TEX10: variants seen among roughly 807,000 people sequenced by gnomAD.
TEX10 encodes the protein testis expressed 10.
In TEX10, 24 loss-of-function variants were observed where a neutral mutation model predicts 104.4. That is an observed-to-expected ratio of 0.23 (90% CI 0.17 to 0.32). TEX10 has a LOEUF of 0.32. TEX10 is among the 10% of genes least tolerant of loss of function. The pLI is 1.00. For synonymous variants in TEX10, 396 were observed against 393.4 expected (o/e 1.01, Z -0.08); for missense variants, 921 against 1,083.9 (o/e 0.85, Z 2.11).
At chr9:100,303,437 C>CA (rs1834059884) in intron 14 of TEX10, among the ~76,000 whole-genome samples, 195 bp downstream of exon 14, 1 of 93,534 alleles carries the variant, frequency 1.1e-5, no homozygotes, top group Non-Finnish European at 2.0e-5. Context: ...ATCACAGACA[C>CA]ACCCCCCCCC....
chr9:100,347,687 C>A (rs1835333846), intron 2 of TEX10, among the ~76,000 whole-genome samples: 1 of 152,094 alleles, frequency 6.6e-6, no homozygotes, highest in Admixed American at 6.6e-5. Context: ...GCAATCACAC[C>A]ATCATTTATT....
chr9:100,302,931 C>CG lies in TEX10; in HGVS notation c.2677-628_2677-627insC, dbSNP rs1470036515. 7.6e-5 allele frequency among the ~76,000 whole-genome samples: 11 copies of CG among 144,424 alleles called. No homozygotes were observed. In the East Asian group the frequency reaches 1.7e-3, roughly 22 times the overall value. The allele number at this position is 144,424 out of a possible 152,430, so 94.7% of individuals were successfully genotyped here. On this transcript the variant is annotated intron_variant, in intron 14 of 14. Transcript: ENST00000374902. ...TATACAAGACACTTTTTTAACCGCC[C>CG]CCCCCCCAAACTAAAATCACCAAAG...
intron 4 of TEX10, among the ~76,000 whole-genome samples, chr9:100,345,547 T>C: frequency 6.6e-6 from 1 of 152,196 alleles, no homozygotes; most frequent in Non-Finnish European, 1.5e-5. Flanking sequence ...ACCAACTTAA[T>C]CTTGCAGCTT....
At chr9:100,314,990 C>A (rs1246733979) in intron 11 of TEX10, among the ~76,000 whole-genome samples, 1 of 152,126 alleles carries the variant, frequency 6.6e-6, no homozygotes, top group Non-Finnish European at 1.5e-5. Flanking sequence ...TGCTCAAGAG[C>A]ACGTCATCGT....
At chr9:100,320,792 T>C (rs7045931) in intron 10 of TEX10, among the ~76,000 whole-genome samples, 2,103 of 152,322 alleles carry the variant, frequency 0.014, 35 homozygotes, top group African/African-American at 0.048. Context: ...TCTTAGATAA[T>C]AGACCTTCAA....
chr9:100,320,359 C>A lies in TEX10; in HGVS notation c.2108G>T (p.Arg703Leu). Residue 703 changes from arginine (R) to leucine (L), a missense_variant, in exon 11 of 15, where the codon CGA (arginine) becomes CTA (leucine). Arg to Leu is a moderately radical substitution (Grantham distance 102, BLOSUM62 -2). Coordinates refer to ENST00000374902, the MANE Select transcript of TEX10 (RefSeq NM_017746.4). ...KEELTWLQSL[R>L]GVPHVIQTQL... ...TGTCTGGATGACATGAGGAACTCCT[C>A]GAAGGCTCTGAAGCCAAGTCAACTC... The A allele has an allele frequency of 6.2e-7, 1 of 1,612,264 alleles. No individual in the cohort carries two copies. The highest frequency in any genetic ancestry group is 8.5e-7 in the Non-Finnish European group (1 of 1,178,906).
intron 4 of TEX10, among the ~76,000 whole-genome samples, chr9:100,342,471 A>G (rs1835197503): frequency 6.6e-6 from 1 of 152,214 alleles, no homozygotes; most frequent in Non-Finnish European, 1.5e-5. Context: ...TTCTATATCT[A>G]TCTGCACTGT....
At chr9:100,313,521 A>G (rs1436379814) in intron 11 of TEX10, among the ~76,000 whole-genome samples, 1 of 151,590 alleles carries the variant, frequency 6.6e-6, no homozygotes, top group Non-Finnish European at 1.5e-5. Context: ...GTCAAAAAAA[A>G]AAAAAAGAAA....
intron 5 of TEX10, among the ~76,000 whole-genome samples, chr9:100,335,276 C>T (rs907680128): frequency 2.0e-5 from 3 of 150,808 alleles, no homozygotes; most frequent in African/African-American, 7.3e-5. Flanking sequence ...GATCTCGGCT[C>T]ACTGCAACCT....
chr9:100,303,938 AC>A, intron 13 of TEX10, 96 bp from the exon 14 acceptor site: 2 of 1,225,960 alleles, frequency 1.6e-6, no homozygotes, highest in Non-Finnish European at 2.3e-6. Flanking sequence ...CTTTTAAGGA[AC>A]ATGTTTTCCA....
intron 9 of TEX10, among the ~76,000 whole-genome samples, chr9:100,324,907 G>GT (rs977956928): frequency 1.2e-4 from 19 of 152,084 alleles, no homozygotes; most frequent in African/African-American, 4.3e-4. Context: ...ACAAAGTGCA[G>GT]TTTTTTAATA....
chr9:100,343,733 G>A (rs1014787659), intron 4 of TEX10, among the ~76,000 whole-genome samples: 4 of 151,994 alleles, frequency 2.6e-5, no homozygotes, highest in East Asian at 3.9e-4. Context: ...ATATCTAACC[G>A]AGACATCAAT....
intron 13 of TEX10, 143 bp from the exon 14 acceptor site, chr9:100,303,985 A>G (rs1834082282): frequency 2.7e-6 from 2 of 739,030 alleles, no homozygotes; most frequent in African/African-American, 1.7e-5. Flanking sequence ...CAAGAACGCA[A>G]TCTCACTTAC....
At position 100,347,062 on chromosome 9, in the gene TEX10, A is replaced by G. The variant is rs759352387; in HGVS notation, c.525T>C (p.Ile175=). ...TAAGCAATATGCTGCTACGGCCAGT[A>G]ATTAGAGCTGGGTACTGTTCCAGCA... ...DILLEQYPAL[I]TGRSSILLKN... The change falls in exon 3 of 15, where the codon ATT becomes ATC. Residue 175 remains isoleucine, a synonymous_variant. Transcript: ENST00000374902. 1.2e-6 allele frequency: 2 copies of G among 1,614,068 alleles called. No individual in the cohort carries two copies. The highest frequency in any genetic ancestry group is 2.2e-5 in the East Asian group (1 of 44,904).
At chr9:100,323,377 C>T (rs1435271229) in intron 9 of TEX10, among the ~76,000 whole-genome samples, 1 of 152,154 alleles carries the variant, frequency 6.6e-6, no homozygotes, top group East Asian at 1.9e-4. Flanking sequence ...CTATTTAAAA[C>T]CCAAGCCAAA....
rs1462997160 is a variant in TEX10, at chr9:100,349,376, TAATGA to T, written c.-9-9_-9-5del. 1 of 1,539,882 alleles carries T rather than the reference TAATGA, an allele frequency of 6.5e-7. No homozygotes were observed. The highest frequency in any genetic ancestry group is 1.4e-5 in the African/African-American group (1 of 71,842). ...TTTTTTTAGTCATTCTCGACTACTA[TAATGA>T]AAAGAATTAATTAAAAGCAATGGAT... On this transcript the variant is annotated splice_polypyrimidine_tract_variant and splice_region_variant and intron_variant, in intron 1 of 14. Coordinates refer to ENST00000374902, the MANE Select transcript of TEX10 (RefSeq NM_017746.4).
intron 14 of TEX10, among the ~76,000 whole-genome samples, chr9:100,302,652 A>G (rs1438970046): frequency 6.6e-6 from 1 of 152,170 alleles, no homozygotes; most frequent in Non-Finnish European, 1.5e-5. Context: ...CCAACTGAGA[A>G]TAACTCTACA....
chr9:100,349,011 A>G (rs1451832492), intron 2 of TEX10, among the ~76,000 whole-genome samples, 173 bp downstream of exon 2: 2 of 152,242 alleles, frequency 1.3e-5, no homozygotes, highest in African/African-American at 4.8e-5. Context: ...AAGTGGAAAG[A>G]CACAGCTGCA....
In TEX10 at chr9:100,332,066, T is replaced by C. The variant is rs142520726; in HGVS notation, c.1251-1897A>G. ...TGGATATGTTGAGCCTAAAGTATCA[T>C]AATCAAATCCAGACGGAGATGGCCA... is the stretch of plus-strand genomic sequence containing the variant. On this transcript the variant is annotated intron_variant, in intron 5 of 14. Coordinates refer to ENST00000374902, the MANE Select transcript of TEX10 (RefSeq NM_017746.4). Among the ~76,000 whole-genome samples, 11 of 152,286 alleles carry C rather than the reference T, an allele frequency of 7.2e-5. No individual in the cohort carries two copies. The East Asian group carries it at 1.9e-3, about 27-fold the overall frequency.
Sources: gnomAD v4.1 joint callset for allele counts (sites outside exome capture counted in the v4.1 genomes callset) on GRCh38, gnomAD v4.1.1 for gene constraint, MANE v1.5 for transcripts, NCBI Gene and HGNC (gene_info 2026-07-23, HGNC 2026-07-21) for gene names.